Variants in TRIM5 observed in about 807,000 individuals in gnomAD.
TRIM5 encodes tripartite motif containing 5, also known as tripartite motif-containing protein 5.
In TRIM5, 31 loss-of-function variants were observed where a neutral mutation model predicts 35.6. The ratio of observed to expected loss-of-function variants is 0.87; its 90% CI spans 0.65 to 1.18. The LOEUF (loss-of-function observed/expected upper bound fraction) is 1.18, where lower values mean the gene tolerates loss of function less well. TRIM5 is among the 50% of genes most tolerant of loss of function. The pLI is 0.00. For missense variants in TRIM5, 609 were observed against 591.6 expected (o/e 1.03, Z -0.31); for synonymous variants, 243 against 215.6 (o/e 1.13, Z -1.11).
the TRIM5 span, chr11:5,644,365 C>G: frequency 5.0e-6 from 2 of 397,400 alleles, no homozygotes; most frequent in Non-Finnish European, 8.9e-6. Context: ...GTGTCTGGAA[C>G]ATAATAAATA....
the TRIM5 span, chr11:5,642,705 G>T: frequency 1.3e-6 from 2 of 1,482,112 alleles, no homozygotes; most frequent in Non-Finnish European, 9.1e-7. Flanking sequence ...TAATTCACTA[G>T]CTCACAGCTT....
At chr11:5,612,264 G>C in the TRIM5 span, 1 of 152,106 alleles carries the variant, frequency 6.6e-6, no homozygotes, top group African/African-American at 2.4e-5. Flanking sequence ...CTTTGTTTTT[G>C]TATAAGTATG....
At chr11:5,657,487 AT>A in the TRIM5 span, among the ~76,000 whole-genome samples, 3 of 123,148 alleles carry the variant, frequency 2.4e-5, no homozygotes, top group African/African-American at 8.1e-5. Flanking sequence ...TATATAATGC[AT>A]TTATATATAT....
At chr11:5,610,009 C>T in the TRIM5 span, 1 of 794,404 alleles carries the variant, frequency 1.3e-6, no homozygotes, top group Non-Finnish European at 2.0e-6. Flanking sequence ...AGTGCCAGGG[C>T]TGTTTGCAGA....
the TRIM5 span, chr11:5,642,949 C>T: frequency 1.3e-6 from 2 of 1,495,398 alleles, no homozygotes; most frequent in Non-Finnish European, 1.8e-6. Context: ...TCAGCACCTC[C>T]CAAAACATTT....
At chr11:5,655,123 G>C in the TRIM5 span, among the ~76,000 whole-genome samples, 1 of 151,790 alleles carries the variant, frequency 6.6e-6, no homozygotes, top group Non-Finnish European at 1.5e-5. Flanking sequence ...AACCTGGGAG[G>C]TGGAGGTTGC....
At chr11:5,652,920 C>T in the TRIM5 span, among the ~76,000 whole-genome samples, 2 of 150,214 alleles carry the variant, frequency 1.3e-5, no homozygotes, top group Non-Finnish European at 2.9e-5. Flanking sequence ...GGCGTGATCT[C>T]AGCTCACTGC....
At chr11:5,632,899 T>A in the TRIM5 span, 1 of 1,141,508 alleles carries the variant, frequency 8.8e-7, no homozygotes, top group South Asian at 2.3e-5. Flanking sequence ...TGCTCTCGGC[T>A]CACTGCAACC....
Position 5,679,967 on chromosome 11 carries a change from G to T in TRIM5, c.211C>A (p.Arg71=), listed in dbSNP as rs148583858. 6.2e-7 allele frequency: 1 copy of T among 1,614,028 alleles called. No homozygotes were observed. The highest frequency in any genetic ancestry group is 1.1e-5 in the South Asian group (1 of 91,066). Residue 71 remains arginine (R), a synonymous_variant, in exon 2 of 8, where the codon CGG becomes AGG. Coordinates refer to ENST00000380034, the MANE Select transcript of TRIM5 (RefSeq NM_033034.3). The stretch of plus-strand genomic sequence containing the variant: ...TTCTCCACTATGTTGGCTACATGCC[G>T]ATTAGGCCGTATGTTCTCAGGCTGG... The part of the protein sequence containing the change: ...SYQPENIRPN[R]HVANIVEKLR...
At chr11:5,684,282 A>G (rs370252938) in intron 1 of TRIM5, 1 of 152,376 alleles carries the variant, frequency 6.6e-6, no homozygotes, top group Non-Finnish European at 1.5e-5. Context: ...TTTAAAGCCA[A>G]TGCTTTCCAC....
chr11:5,669,373 C>G (rs1003903940), intron 4 of TRIM5, among the ~76,000 whole-genome samples: 8 of 152,224 alleles, frequency 5.3e-5, no homozygotes, highest in Non-Finnish European at 1.2e-4. Context: ...AGCCACCGCA[C>G]CCAGCTAGTT....
the TRIM5 span, among the ~76,000 whole-genome samples, chr11:5,638,213 A>G: frequency 6.6e-6 from 1 of 152,250 alleles, no homozygotes; most frequent in African/African-American, 2.4e-5. Flanking sequence ...GCAGAAAATA[A>G]TATCAGTGAA....
the TRIM5 span, chr11:5,588,793 T>C: frequency 2.0e-5 from 3 of 151,656 alleles, no homozygotes; most frequent in Non-Finnish European, 2.9e-5. Context: ...TTTTTTTTTT[T>C]TCTTTTTTGA....
At chr11:5,592,163 C>G in the TRIM5 span, among the ~76,000 whole-genome samples, 1 of 152,126 alleles carries the variant, frequency 6.6e-6, no homozygotes, top group Non-Finnish European at 1.5e-5. Flanking sequence ...AAGTGACTAG[C>G]TTGATTTTCT....
At chr11:5,623,287 A>G in the TRIM5 span, among the ~76,000 whole-genome samples, 1 of 152,026 alleles carries the variant, frequency 6.6e-6, no homozygotes, top group Non-Finnish European at 1.5e-5. Flanking sequence ...GAAATAAGGA[A>G]AAGAAATCTG....
chr11:5,647,836 T>C, the TRIM5 span, among the ~76,000 whole-genome samples: 753 of 152,078 alleles, frequency 5.0e-3, 2 homozygotes, highest in African/African-American at 0.018. Context: ...ACCTATTAAA[T>C]ACAAAACCAG....
chr11:5,651,780 T>C, the TRIM5 span, among the ~76,000 whole-genome samples: 1 of 152,220 alleles, frequency 6.6e-6, no homozygotes, highest in South Asian at 2.1e-4. Flanking sequence ...AGCATTCTCT[T>C]TTCTCTGCAA....
chr11:5,647,533 A>AT, the TRIM5 span, among the ~76,000 whole-genome samples: 1 of 151,966 alleles, frequency 6.6e-6, no homozygotes, highest in Non-Finnish European at 1.5e-5. Context: ...ATGAGACATC[A>AT]TTTTTTTGAG....
the TRIM5 span, among the ~76,000 whole-genome samples, chr11:5,609,190 C>T: frequency 3.9e-5 from 6 of 152,146 alleles, 1 homozygote; most frequent in Admixed American, 3.9e-4. Flanking sequence ...AAGCTGCTTG[C>T]ACACTTGGTT....
Sources: allele counts gnomAD v4.1 joint callset (sites outside exome capture counted in the v4.1 genomes callset), GRCh38; gene constraint gnomAD v4.1.1; transcripts MANE v1.5; gene names NCBI Gene and HGNC (gene_info 2026-07-23, HGNC 2026-07-21).